Variants in PPP2CA observed in about 807,000 individuals in gnomAD.
PPP2CA encodes serine/threonine-protein phosphatase 2A catalytic subunit alpha isoform.
A neutral mutation model predicts 38.8 loss-of-function variants in PPP2CA; 5 were observed. That is an observed-to-expected ratio of 0.13 (90% CI 0.07 to 0.27). The LOEUF is 0.27. Ranked by LOEUF, PPP2CA falls within the 10% of genes least tolerant of loss-of-function variation. The pLI is 1.00. For synonymous variants in PPP2CA, 152 were observed against 134.0 expected (o/e 1.13, Z -0.93); for missense variants, 88 against 389.7 (o/e 0.23, Z 6.52).
chr5:134,225,535 C>G (rs1762553278), intron 1 of PPP2CA: 2 of 484,138 alleles, frequency 4.1e-6, no homozygotes, highest in Non-Finnish European at 7.3e-6. Flanking sequence ...GCCCAGGAGT[C>G]GAGTGAACGG....
chr5:134,219,713 A>C (rs1457115167), intron 1 of PPP2CA, among the ~76,000 whole-genome samples: 1 of 152,178 alleles, frequency 6.6e-6, no homozygotes, highest in Non-Finnish European at 1.5e-5. Context: ...CTGCAATGTG[A>C]AGAAGTTAAG....
intron 1 of PPP2CA, 54 bp downstream of exon 1, chr5:134,225,706 T>G: frequency 1.3e-6 from 2 of 1,548,126 alleles, no homozygotes; most frequent in Non-Finnish European, 1.8e-6. Context: ...CGGCCGCCTT[T>G]TCCTCGGCGG....
At chr5:134,200,831 T>C in intron 4 of PPP2CA, 154 bp downstream of exon 4, 1 of 688,270 alleles carries the variant, frequency 1.5e-6, no homozygotes, top group Non-Finnish European at 2.4e-6. Flanking sequence ...TTTCTTAATG[T>C]CAGCTTCTTT....
Position 134,197,105 on chromosome 5 carries a change from C to T in PPP2CA, c.*667G>A, listed in dbSNP as rs1761869099. The T allele has an allele frequency of 1.3e-5, 2 of 152,544 alleles. No homozygotes were observed. The highest frequency in any genetic ancestry group is 2.9e-5 in the Non-Finnish European group (2 of 68,022). 9.4% of individuals were successfully genotyped at this position (152,544 alleles called of 1,614,324 possible). ...TTTGACCTTCTCAGTTCTTAGTTCACAAGTTTATTATGAAAAACACTGCAG... is the reference window on the plus strand; with the variant it reads ...TTTGACCTTCTCAGTTCTTAGTTCATAAGTTTATTATGAAAAACACTGCAG... On this transcript the variant is annotated 3_prime_UTR_variant, in exon 7 of 7. Transcript: ENST00000481195.
intron 1 of PPP2CA, among the ~76,000 whole-genome samples, chr5:134,222,574 T>G (rs1037576474): frequency 6.6e-5 from 10 of 152,240 alleles, no homozygotes; most frequent in African/African-American, 2.4e-4. Flanking sequence ...AACAACGTTC[T>G]CCACATGTTT....
intron 1 of PPP2CA, among the ~76,000 whole-genome samples, chr5:134,209,272 G>A (rs921516648): frequency 6.3e-4 from 36 of 56,850 alleles, no homozygotes; most frequent in African/African-American, 1.8e-3. Context: ...CCCTCAGACC[G>A]GAGGGGGAAA....
chr5:134,223,436 T>C (rs1180657171), intron 1 of PPP2CA, among the ~76,000 whole-genome samples: 1 of 152,226 alleles, frequency 6.6e-6, no homozygotes, highest in African/African-American at 2.4e-5. Context: ...ATCCTGAAAG[T>C]TGAAATACTT....
chr5:134,212,020 T>A (rs1033502780), intron 1 of PPP2CA, among the ~76,000 whole-genome samples: 5 of 152,256 alleles, frequency 3.3e-5, no homozygotes, highest in Non-Finnish European at 7.4e-5. Context: ...CTTGGGAGGC[T>A]GAGGTAGGAG....
intron 2 of PPP2CA, chr5:134,203,650 T>C (rs917486514): frequency 1.3e-5 from 2 of 152,238 alleles, no homozygotes; most frequent in Non-Finnish European, 2.9e-5. Flanking sequence ...ACAGTCACAT[T>C]CTGAGGTGCT....
chr5:134,201,752 A>G (rs1761971185), intron 3 of PPP2CA, 96 bp downstream of exon 3: 33 of 1,318,976 alleles, frequency 2.5e-5, no homozygotes, highest in Non-Finnish European at 3.4e-5. Context: ...AAATATCCCC[A>G]AAGGGGTGTT....
rs1188487862 is a variant in PPP2CA, at chr5:134,225,849, C to A, written c.13G>T (p.Val5Leu). MDEK[V>L]FTKELDQWIE... is the part of the protein sequence containing the mutation. ...CACTGGTCCAGCTCCTTGGTGAACA[C>A]CTTCTCGTCCATGATGCCACCCGCC... Residue 5 changes from valine to leucine, a missense_variant, in exon 1 of 7, where the codon GTG becomes TTG. Val to Leu is a conservative substitution (Grantham distance 32). Transcript: ENST00000481195. 1 of 1,607,832 alleles carries A rather than the reference C, an allele frequency of 6.2e-7. No homozygotes were observed. The highest frequency in any genetic ancestry group is 2.2e-5 in the East Asian group (1 of 44,582).
intron 1 of PPP2CA, among the ~76,000 whole-genome samples, chr5:134,221,667 T>A (rs1044157376): frequency 6.6e-5 from 10 of 152,034 alleles, no homozygotes; most frequent in Non-Finnish European, 1.5e-4. Flanking sequence ...TTTCAAGCAA[T>A]GAAAATAAAA....
chr5:134,222,352 C>T (rs1199483692), intron 1 of PPP2CA, among the ~76,000 whole-genome samples: 3 of 152,114 alleles, frequency 2.0e-5, no homozygotes, highest in Non-Finnish European at 4.4e-5. Context: ...CAACATATTA[C>T]CCAATTCATA....
intron 5 of PPP2CA, 197 bp from the exon 6 acceptor site, chr5:134,199,401 T>C (rs1761924847): frequency 5.1e-6 from 2 of 389,020 alleles, no homozygotes; most frequent in Non-Finnish European, 9.1e-6. Context: ...GTATTTATTT[T>C]CCCCCTAATT....
chr5:134,221,126 G>A (rs1032544141), intron 1 of PPP2CA, among the ~76,000 whole-genome samples: 2 of 151,884 alleles, frequency 1.3e-5, no homozygotes, highest in South Asian at 2.1e-4. Flanking sequence ...TTTTGGGGCC[G>A]GGGGGAATGG....
chr5:134,198,883 C>T (rs980857091), intron 6 of PPP2CA, among the ~76,000 whole-genome samples: 2 of 151,986 alleles, frequency 1.3e-5, no homozygotes, highest in Admixed American at 6.6e-5. Context: ...TTAAACCTCA[C>T]ATTTAAACTA....
chr5:134,209,282 A>G (rs114125853), intron 1 of PPP2CA, among the ~76,000 whole-genome samples: 10,791 of 145,146 alleles, frequency 0.074, 472 homozygotes, highest in South Asian at 0.18. Flanking sequence ...GGAGGGGGAA[A>G]AAAAAAAAAT....
At chr5:134,207,360 G>GC (rs1328036396) in intron 1 of PPP2CA, among the ~76,000 whole-genome samples, 1 of 152,096 alleles carries the variant, frequency 6.6e-6, no homozygotes, top group Admixed American at 6.5e-5. Flanking sequence ...AGCCAAGATC[G>GC]CATCACTGCA....
intron 1 of PPP2CA, among the ~76,000 whole-genome samples, chr5:134,225,260 G>A (rs1230733821): frequency 6.6e-6 from 1 of 152,218 alleles, no homozygotes; most frequent in African/African-American, 2.4e-5. Flanking sequence ...CCACCAAGGG[G>A]TACTAAAGCT....
Sources: gnomAD v4.1 joint callset for allele counts (sites outside exome capture counted in the v4.1 genomes callset) on GRCh38, gnomAD v4.1.1 for gene constraint, MANE v1.5 for transcripts, NCBI Gene and HGNC (gene_info 2026-07-23, HGNC 2026-07-21) for gene names.